Variants in INO80 observed in about 807,000 individuals in gnomAD.
The protein encoded by INO80 is chromatin-remodeling ATPase INO80.
INO80 carries 20 observed loss-of-function variants against 203.4 expected under a neutral mutation model. That is an observed-to-expected ratio of 0.10 (90% CI 0.07 to 0.14). The LOEUF (loss-of-function observed/expected upper bound fraction) is 0.14, where lower values mean the gene tolerates loss of function less well. Ranked by LOEUF, INO80 falls within the 10% of genes least tolerant of loss-of-function variation. INO80 has a pLI of 1.00. For missense variants in INO80, 1,419 were observed against 1,914.4 expected (o/e 0.74, Z 4.83); for synonymous variants, 726 against 685.2 (o/e 1.06, Z -0.93).
intron 27 of INO80, among the ~76,000 whole-genome samples, chr15:41,010,960 C>T (rs2044126547): frequency 6.6e-6 from 1 of 152,136 alleles, no homozygotes; most frequent in Non-Finnish European, 1.5e-5. Context: ...TTCTGCAGTC[C>T]AAGCAAATTG....
At chr15:41,016,324 A>G in intron 26 of INO80, 109 bp from the exon 27 acceptor site, 1 of 1,066,970 alleles carries the variant, frequency 9.4e-7, no homozygotes, top group Non-Finnish European at 1.4e-6. Context: ...GATGCTTGTC[A>G]TCATGAGATC....
At chr15:40,988,343 A>C (rs1267789356) in intron 29 of INO80, among the ~76,000 whole-genome samples, 5 of 152,232 alleles carry the variant, frequency 3.3e-5, no homozygotes, top group African/African-American at 1.2e-4. Flanking sequence ...CTGAGAAAAA[A>C]AATCCCATAA....
At chr15:41,071,624 T>C (rs888218543) in intron 12 of INO80, among the ~76,000 whole-genome samples, 2 of 150,550 alleles carry the variant, frequency 1.3e-5, no homozygotes, top group Non-Finnish European at 2.9e-5. Flanking sequence ...CAGGCTAATT[T>C]TGTATTTTTT....
chr15:41,048,868 C>T (rs1268943192), intron 21 of INO80, among the ~76,000 whole-genome samples: 2 of 152,172 alleles, frequency 1.3e-5, no homozygotes, highest in East Asian at 3.8e-4. Context: ...CCTTAACAAC[C>T]ACTTCAAACT....
chr15:41,062,185 CA>C (rs1290616853), intron 14 of INO80, among the ~76,000 whole-genome samples: 4 of 151,988 alleles, frequency 2.6e-5, no homozygotes, highest in African/African-American at 9.7e-5. Flanking sequence ...TAAGTCGAGA[CA>C]AAAGGGATGT....
At chr15:41,002,933 T>C (rs1275155833) in intron 28 of INO80, among the ~76,000 whole-genome samples, 1 of 152,070 alleles carries the variant, frequency 6.6e-6, no homozygotes, top group Non-Finnish European at 1.5e-5. Flanking sequence ...TGAAACCTTG[T>C]CTCTACTAAA....
At position 41,049,382 on chromosome 15, in the gene INO80, A is replaced by C. The variant is rs1316945048; in HGVS notation, c.2481T>G (p.Thr827=). The change falls in exon 21 of 36, where the codon ACT becomes ACG. Residue 827 remains threonine (T), a synonymous_variant. Coordinates refer to ENST00000648947, the MANE Select transcript of INO80 (RefSeq NM_017553.3). The part of the protein sequence containing the change: ...NHPELFERQE[T]WSPFHISLKP... The stretch of plus-strand genomic sequence containing the variant: ...TTAGGGAAATATGAAATGGAGACCA[A>C]GTTTCTTGCCGTTCAAATAACTCCG... 3.7e-6 allele frequency: 6 copies of C among 1,614,020 alleles called. No individual in the cohort carries two copies. Among genetic ancestry groups the C allele is most frequent in the Non-Finnish European group, 4.2e-6 (5 of 1,179,878 alleles).
At chr15:40,988,093 G>A (rs1398825065) in intron 29 of INO80, 119 bp from the exon 30 acceptor site, 2 of 743,998 alleles carry the variant, frequency 2.7e-6, no homozygotes, top group East Asian at 2.6e-5. Flanking sequence ...TCGTTTCTAT[G>A]ATATTGAGCT....
At chr15:41,052,770 A>G (rs184493330) in intron 19 of INO80, among the ~76,000 whole-genome samples, 9 of 150,978 alleles carry the variant, frequency 6.0e-5, no homozygotes, top group Non-Finnish European at 1.0e-4. Flanking sequence ...CACACCTGTA[A>G]TCCTAGCACT....
chr15:41,111,347 G>A (rs2140715680), intron 1 of INO80, among the ~76,000 whole-genome samples: 1 of 152,300 alleles, frequency 6.6e-6, no homozygotes, highest in South Asian at 2.1e-4. Flanking sequence ...TCAGGAGGCT[G>A]AGGCAGGAGA....
intron 24 of INO80, among the ~76,000 whole-genome samples, chr15:41,040,927 T>C (rs1316569656): frequency 1.3e-5 from 2 of 152,072 alleles, no homozygotes; most frequent in Non-Finnish European, 1.5e-5. Flanking sequence ...TGAACAAACA[T>C]TTCATAAAGG....
At chr15:41,059,347 A>C (rs1268409592) in intron 15 of INO80, among the ~76,000 whole-genome samples, 3 of 148,806 alleles carry the variant, frequency 2.0e-5, no homozygotes, top group Non-Finnish European at 4.5e-5. Flanking sequence ...AGTTCTGGCC[A>C]GGTGTGGTGG....
At chr15:41,030,579 CT>C (rs2044443843) in intron 24 of INO80, among the ~76,000 whole-genome samples, 1 of 152,080 alleles carries the variant, frequency 6.6e-6, no homozygotes, top group Non-Finnish European at 1.5e-5. Flanking sequence ...CCAGGCTGGT[CT>C]TGAACTCCTG....
intron 24 of INO80, among the ~76,000 whole-genome samples, chr15:41,035,821 CAA>C (rs71104768): frequency 0.019 from 381 of 20,046 alleles, 1 homozygote; most frequent in African/African-American, 0.093. Flanking sequence ...GACTCTGTCT[CAA>C]AAAAAAAAAA....
chr15:40,995,801 A>C (rs1041854251), intron 29 of INO80, among the ~76,000 whole-genome samples: 1 of 152,204 alleles, frequency 6.6e-6, no homozygotes, highest in African/African-American at 2.4e-5. Flanking sequence ...ATATGGTAGA[A>C]ACTATGTGAT....
intron 1 of INO80, among the ~76,000 whole-genome samples, chr15:41,109,390 G>A (rs1009959252): frequency 1.3e-5 from 2 of 152,134 alleles, no homozygotes; most frequent in African/African-American, 4.8e-5. Flanking sequence ...GGCGGAGGTT[G>A]CACTGAGCTG....
intron 26 of INO80, chr15:41,017,702 A>C (rs1387119201): frequency 6.6e-6 from 1 of 152,282 alleles, no homozygotes; most frequent in Non-Finnish European, 1.5e-5. Flanking sequence ...CTCCCTCTGC[A>C]CTGCAGCCTG....
chr15:40,997,468 A>T, intron 29 of INO80, 61 bp downstream of exon 29: 1 of 1,105,450 alleles, frequency 9.0e-7, no homozygotes, highest in Non-Finnish European at 1.4e-6. Flanking sequence ...AGAAAAACCT[A>T]CATAGTAGGT....
intron 5 of INO80, among the ~76,000 whole-genome samples, chr15:41,089,704 T>C (rs768932134): frequency 1.5e-4 from 23 of 151,434 alleles, no homozygotes; most frequent in Non-Finnish European, 3.1e-4. Context: ...GATCACGCCA[T>C]TGCACTCGAG....
Sources: allele counts gnomAD v4.1 joint callset (sites outside exome capture counted in the v4.1 genomes callset), GRCh38; gene constraint gnomAD v4.1.1; transcripts MANE v1.5; gene names NCBI Gene and HGNC (gene_info 2026-07-23, HGNC 2026-07-21).